Variants in ADAM28 observed in about 807,000 individuals in gnomAD.
ADAM28 encodes ADAM metallopeptidase domain 28.
Under a neutral mutation model 101.2 loss-of-function variants are expected in ADAM28, and 105 were observed. The observed-to-expected ratio is 1.04, with a 90% CI of 0.89 to 1.22. The LOEUF is 1.22. Ranked by LOEUF, ADAM28 falls within the 50% of genes most tolerant of loss-of-function variation. ADAM28 has a pLI of 0.00. For synonymous variants in ADAM28, 322 were observed against 310.6 expected (o/e 1.04, Z -0.39); for missense variants, 1,028 against 945.4 (o/e 1.09, Z -1.15).
chr8:24,343,603 C>G lies in ADAM28; in HGVS notation c.1990+19C>G. On this transcript the variant is annotated intron_variant, in intron 18 of 22. Transcript: ENST00000265769. ...GTCTTCCGTAGGTAACATTACACAT[C>G]TAACCTGAGAAAATTGCTCTCCTCT... 3.1e-6 allele frequency: 5 copies of G among 1,611,440 alleles called. No homozygotes were observed. Among genetic ancestry groups the G allele is most frequent in the Non-Finnish European group, 4.2e-6 (5 of 1,177,930 alleles).
At chr8:24,307,480 T>C (rs1019450352) in intron 2 of ADAM28, among the ~76,000 whole-genome samples, 12 of 152,152 alleles carry the variant, frequency 7.9e-5, no homozygotes, top group African/African-American at 2.9e-4. Context: ...TTTTGGGGGC[T>C]GGGAGTAAAG....
intron 8 of ADAM28, among the ~76,000 whole-genome samples, chr8:24,323,070 T>A (rs1221297772): frequency 2.0e-5 from 3 of 151,916 alleles, no homozygotes; most frequent in Non-Finnish European, 4.4e-5. Flanking sequence ...TTGCTCACAG[T>A]TCTGGGGGCT....
intron 18 of ADAM28, among the ~76,000 whole-genome samples, chr8:24,346,671 T>A (rs1400616858): frequency 6.6e-6 from 1 of 152,084 alleles, no homozygotes. Context: ...AGCAGACATG[T>A]AAATATAAAG....
intron 16 of ADAM28, 143 bp from the exon 17 acceptor site, chr8:24,342,958 G>A: frequency 7.0e-7 from 1 of 1,431,160 alleles, no homozygotes; most frequent in Non-Finnish European, 9.3e-7. Flanking sequence ...AAGCAACAGA[G>A]CCCGTCTCTG....
At chr8:24,322,943 A>G (rs531047608) in intron 8 of ADAM28, among the ~76,000 whole-genome samples, 3 of 151,978 alleles carry the variant, frequency 2.0e-5, no homozygotes, top group Admixed American at 1.3e-4. Flanking sequence ...CATTATTTCT[A>G]AAGTTTATCC....
chr8:24,337,586 C>A (rs1814252791), intron 14 of ADAM28, among the ~76,000 whole-genome samples: 1 of 152,124 alleles, frequency 6.6e-6, no homozygotes, highest in Non-Finnish European at 1.5e-5. Context: ...TAACATTGAA[C>A]ATATTTATCT....
At chr8:24,337,091 G>A (rs1814188571) in intron 14 of ADAM28, among the ~76,000 whole-genome samples, 1 of 152,170 alleles carries the variant, frequency 6.6e-6, no homozygotes, top group African/African-American at 2.4e-5. Context: ...CAAGACCCTA[G>A]AAAAACCTCC....
intron 2 of ADAM28, among the ~76,000 whole-genome samples, chr8:24,306,385 T>TAGA (rs1809678898): frequency 8.2e-6 from 1 of 121,410 alleles, no homozygotes. Context: ...TATATATATA[T>TAGA]TTAAAAATAT....
rs751979570 is a variant in ADAM28, at chr8:24,352,043, A to G, written c.2235A>G (p.Pro745=). Residue 745 remains proline (P), a synonymous_variant, in exon 21 of 23, where the codon CCA becomes CCG. Transcript: ENST00000265769. The part of the protein sequence containing the change: ...YDLPVEGNEP[P]ASFHKDTNAL... The stretch of plus-strand genomic sequence containing the variant: ...TGCCAGTAGAAGGCAATGAGCCCCC[A>G]GCCTCTTTTGTGAGTTAGCAACTTC... The G allele has an allele frequency of 2.7e-5, 44 of 1,613,634 alleles. No homozygotes were observed. Among genetic ancestry groups the G allele is most frequent in the Non-Finnish European group, 3.7e-5 (44 of 1,179,752 alleles).
intron 2 of ADAM28, among the ~76,000 whole-genome samples, chr8:24,301,977 T>C (rs928872218): frequency 6.6e-6 from 1 of 152,216 alleles, no homozygotes; most frequent in Admixed American, 6.5e-5. Flanking sequence ...ATGTGCAGAA[T>C]GTGCAGGTTT....
At chr8:24,300,145 C>A in intron 2 of ADAM28, 68 bp downstream of exon 2, 1 of 1,264,082 alleles carries the variant, frequency 7.9e-7, no homozygotes, top group Non-Finnish European at 1.1e-6. Flanking sequence ...ATATATCTAT[C>A]TATGATGAGA....
intron 9 of ADAM28, among the ~76,000 whole-genome samples, chr8:24,325,694 G>A (rs550015034): frequency 2.0e-5 from 3 of 150,774 alleles, no homozygotes; most frequent in East Asian, 2.0e-4. Context: ...AAATTGGAAC[G>A]TTTTCTAATT....
intron 11 of ADAM28, among the ~76,000 whole-genome samples, chr8:24,330,540 C>A (rs1813232982): frequency 6.6e-6 from 1 of 152,170 alleles, no homozygotes; most frequent in Non-Finnish European, 1.5e-5. Context: ...TTTAGGCAAT[C>A]TTATCTTTAA....
intron 14 of ADAM28, among the ~76,000 whole-genome samples, chr8:24,339,261 C>T (rs777001624): frequency 1.1e-3 from 163 of 152,200 alleles, no homozygotes; most frequent in East Asian, 2.3e-3. Flanking sequence ...TTTGTAATTC[C>T]AGCCAGCTCA....
intron 1 of ADAM28, among the ~76,000 whole-genome samples, chr8:24,295,268 T>C (rs1807808128): frequency 6.6e-6 from 1 of 152,218 alleles, no homozygotes; most frequent in Non-Finnish European, 1.5e-5. Flanking sequence ...ATATCTGAAC[T>C]GAACCTTTTC....
intron 9 of ADAM28, among the ~76,000 whole-genome samples, chr8:24,324,507 T>C (rs1227528006): frequency 6.6e-6 from 1 of 151,966 alleles, no homozygotes; most frequent in Non-Finnish European, 1.5e-5. Context: ...AGATGGATAA[T>C]ATTTAGTTGA....
intron 9 of ADAM28, among the ~76,000 whole-genome samples, chr8:24,325,249 T>C (rs1048609430): frequency 6.6e-6 from 1 of 151,926 alleles, no homozygotes; most frequent in East Asian, 1.9e-4. Context: ...AGATGATAAA[T>C]GTATAGGTAA....
Position 24,354,578 on chromosome 8 carries a change from A to T in ADAM28, c.*174A>T. 2 of 599,346 alleles carry T rather than the reference A, an allele frequency of 3.3e-6. No homozygotes were observed. The highest frequency in any genetic ancestry group is 4.1e-5 in the Admixed American group (1 of 24,192). 37.1% of individuals were successfully genotyped at this position (599,346 alleles called of 1,614,324 possible). On this transcript the variant is annotated 3_prime_UTR_variant, in exon 23 of 23. Transcript: ENST00000265769. ...AGACTAAAGAAAATTTTCAAGAGGA[A>T]CATATGCCTGAGAACCTTTGCATGA...
intron 2 of ADAM28, among the ~76,000 whole-genome samples, chr8:24,307,442 C>A (rs567209612): frequency 6.6e-6 from 1 of 152,140 alleles, no homozygotes; most frequent in Non-Finnish European, 1.5e-5. Context: ...AATATTTCAG[C>A]TAGACTGAAA....
Sources: allele counts gnomAD v4.1 joint callset (sites outside exome capture counted in the v4.1 genomes callset), GRCh38; gene constraint gnomAD v4.1.1; transcripts MANE v1.5; gene names NCBI Gene and HGNC (gene_info 2026-07-23, HGNC 2026-07-21).